ITGA8: variants seen among roughly 807,000 people sequenced by gnomAD.
ITGA8 encodes integrin alpha-8.
In ITGA8, 91 loss-of-function variants were observed where a neutral mutation model predicts 142.3. The observed-to-expected ratio is 0.64, with a 90% confidence interval of 0.54 to 0.76. The LOEUF (loss-of-function observed/expected upper bound fraction) is 0.76. Ranked by LOEUF, ITGA8 falls within the 30% of genes least tolerant of loss-of-function variation. The pLI is 0.00. For missense variants in ITGA8, 1,406 were observed against 1,327.7 expected (o/e 1.06, Z -0.92); for synonymous variants, 505 against 485.2 (o/e 1.04, Z -0.54).
intron 25 of ITGA8, among the ~76,000 whole-genome samples, chr10:15,567,154 CA>C (rs111545300): frequency 8.0e-4 from 111 of 138,094 alleles, no homozygotes; most frequent in Admixed American, 1.2e-3. Flanking sequence ...GACCCCATCT[CA>C]AAAAAAAAAA....
At chr10:15,675,630 T>C (rs1361188603) in intron 6 of ITGA8, among the ~76,000 whole-genome samples, 1 of 152,252 alleles carries the variant, frequency 6.6e-6, no homozygotes, top group African/African-American at 2.4e-5. Flanking sequence ...ATCTATTTTC[T>C]GTAACGCAGC....
intron 28 of ITGA8, among the ~76,000 whole-genome samples, chr10:15,530,640 A>C (rs1833270222): frequency 6.6e-6 from 1 of 152,042 alleles, no homozygotes; most frequent in South Asian, 2.1e-4. Context: ...TTTGCATAGC[A>C]AGAAAAAATG....
At chr10:15,701,508 A>G (rs1013467833) in intron 2 of ITGA8, among the ~76,000 whole-genome samples, 7 of 151,970 alleles carry the variant, frequency 4.6e-5, no homozygotes, top group Non-Finnish European at 8.8e-5. Flanking sequence ...CTTCATGGGA[A>G]TATGCATTTC....
At chr10:15,532,137 A>G (rs1017156746) in intron 27 of ITGA8, among the ~76,000 whole-genome samples, 3 of 151,850 alleles carry the variant, frequency 2.0e-5, no homozygotes, top group Admixed American at 2.0e-4. Flanking sequence ...AGTTGTGACA[A>G]TCAAAGATGC....
intron 3 of ITGA8, among the ~76,000 whole-genome samples, chr10:15,685,624 T>C (rs1762616572): frequency 6.6e-6 from 1 of 152,240 alleles, no homozygotes; most frequent in East Asian, 1.9e-4. Flanking sequence ...ACTGATTTGA[T>C]GCCTCATCCA....
chr10:15,717,179 GT>G (rs1425676442), intron 2 of ITGA8, among the ~76,000 whole-genome samples: 2 of 152,128 alleles, frequency 1.3e-5, no homozygotes, highest in Non-Finnish European at 2.9e-5. Context: ...CTGATTTGAT[GT>G]TATGAGACTA....
At chr10:15,633,510 T>C (rs1451051890) in intron 13 of ITGA8, among the ~76,000 whole-genome samples, 2 of 152,188 alleles carry the variant, frequency 1.3e-5, no homozygotes, top group Non-Finnish European at 2.9e-5. Context: ...CTCAGCTCAC[T>C]GCAACCTCCG....
chr10:15,561,245 A>ATATATATATATATATATATATATATG (rs1554772750), intron 25 of ITGA8, among the ~76,000 whole-genome samples: 2 of 133,844 alleles, frequency 1.5e-5, no homozygotes, highest in African/African-American at 5.8e-5. Context: ...GTATATATAT[A>ATATATATATATATATATATATATATG]TATATATATG....
chr10:15,700,663 A>G (rs987925373), intron 2 of ITGA8, among the ~76,000 whole-genome samples: 5 of 152,200 alleles, frequency 3.3e-5, no homozygotes, highest in Non-Finnish European at 7.3e-5. Context: ...TTCACAATCT[A>G]TATATCCAAC....
rs1554785312 is a variant in ITGA8, at chr10:15,671,620, G to A, written c.830C>T (p.Thr277Ile). 6.2e-7 allele frequency: 1 copy of A among 1,612,806 alleles called. No individual in the cohort carries two copies. Among genetic ancestry groups the A allele is most frequent in the Non-Finnish European group, 8.5e-7 (1 of 1,179,026 alleles). Residue 277 changes from threonine (T) to isoleucine (I), a missense_variant, in exon 8 of 30, where the codon ACT becomes ATT. By Grantham distance (89) the Thr-to-Ile change is moderately conservative (BLOSUM62 -1). Transcript: ENST00000378076. ...LGYSVAAGEF[T>I]GDSQQELVAG... is the part of the protein sequence containing the mutation. ...CCTCTCACCTTGCTGAGAATCCCCAGTAAACTCCCCAGCAGCAACTGAGTA... is the reference window on the plus strand; with the variant it reads ...CCTCTCACCTTGCTGAGAATCCCCAATAAACTCCCCAGCAGCAACTGAGTA...
intron 25 of ITGA8, among the ~76,000 whole-genome samples, chr10:15,571,796 A>G (rs951012960): frequency 6.6e-6 from 1 of 152,198 alleles, no homozygotes; most frequent in African/African-American, 2.4e-5. Flanking sequence ...ACCACTTGCT[A>G]TGGGCTGCAG....
intron 22 of ITGA8, among the ~76,000 whole-genome samples, chr10:15,587,722 G>C (rs553108427): frequency 6.6e-6 from 1 of 152,328 alleles, no homozygotes; most frequent in African/African-American, 2.4e-5. Context: ...AGAGTGTCTA[G>C]ATAGAAGGTG....
At chr10:15,651,623 A>G (rs1336139222) in intron 11 of ITGA8, among the ~76,000 whole-genome samples, 1 of 152,008 alleles carries the variant, frequency 6.6e-6, no homozygotes, top group Non-Finnish European at 1.5e-5. Flanking sequence ...TTTTCCAACA[A>G]TGTCTACTAG....
intron 2 of ITGA8, among the ~76,000 whole-genome samples, chr10:15,716,942 A>G (rs937366462): frequency 2.6e-5 from 4 of 152,204 alleles, no homozygotes; most frequent in African/African-American, 7.2e-5. Flanking sequence ...AATTACAGGC[A>G]TAAGCCACCA....
intron 12 of ITGA8, among the ~76,000 whole-genome samples, 198 bp from the exon 13 acceptor site, chr10:15,644,419 C>A (rs1379923909): frequency 2.5e-5 from 3 of 118,942 alleles, no homozygotes; most frequent in Non-Finnish European, 3.3e-5. Context: ...AGGTGCATAC[C>A]ACCATGTCAG....
At chr10:15,692,823 T>G (rs1834959781) in intron 2 of ITGA8, among the ~76,000 whole-genome samples, 1 of 152,214 alleles carries the variant, frequency 6.6e-6, no homozygotes, top group African/African-American at 2.4e-5. Flanking sequence ...ATCCCAGCAC[T>G]TTGGGAGACC....
chr10:15,672,677 G>C lies in ITGA8; in HGVS notation c.749C>G (p.Ala250Gly), dbSNP rs200987849. Reference sequence around the variant, plus strand: ...AGCCACTTCCGTCTGCTTTTCTCCTGCCAGTTTCCTGAGGATATCCTTGAA... The same window carrying C: ...AGCCACTTCCGTCTGCTTTTCTCCTCCCAGTTTCCTGAGGATATCCTTGAA... ...YSFKDILRKL[A>G]GEKQTEVAPA... is the part of the protein sequence containing the mutation. The change falls in exon 7 of 30, where the codon GCA (alanine) becomes GGA (glycine). Residue 250 changes from alanine (A) to glycine (G), a missense_variant. Ala to Gly is a moderately conservative substitution (Grantham distance 60). Coordinates refer to ENST00000378076, the MANE Select transcript of ITGA8 (RefSeq NM_003638.3). 8.1e-6 allele frequency: 13 copies of C among 1,613,758 alleles called. No individual in the cohort carries two copies. The Admixed American group carries it at 1.0e-4, about 12-fold the overall frequency.
In ITGA8 at chr10:15,572,302, C is replaced by T. The variant is rs566439105; in HGVS notation, c.2546G>A (p.Arg849Gln). The change falls in exon 25 of 30, where the codon CGG (arginine) becomes CAG (glutamine). Residue 849 changes from arginine (R) to glutamine (Q), a missense_variant. By Grantham distance (43) the Arg-to-Gln change is conservative. Coordinates refer to ENST00000378076, the MANE Select transcript of ITGA8 (RefSeq NM_003638.3). ...ILEVGWPFSA[R>Q]DEFLLYIFHI... is the part of the protein sequence containing the mutation. Reference sequence around the variant, plus strand: ...GAAAATATAGAGAAGAAATTCATCCCGGGCAGAGAAAGGCCAGCCCACCTC... The same window carrying T: ...GAAAATATAGAGAAGAAATTCATCCTGGGCAGAGAAAGGCCAGCCCACCTC... 41 of 1,613,828 alleles carry T rather than the reference C, an allele frequency of 2.5e-5. No individual in the cohort carries two copies. The Admixed American group carries it at 4.5e-4, about 18-fold the overall frequency.
intron 1 of ITGA8, 81 bp from the exon 2 acceptor site, chr10:15,718,980 C>T: frequency 5.0e-6 from 8 of 1,595,752 alleles, no homozygotes; most frequent in East Asian, 2.2e-5. Flanking sequence ...ACCTCCTGCC[C>T]GGGGACACTG....
Sources: gnomAD v4.1 joint callset for allele counts (sites outside exome capture counted in the v4.1 genomes callset) on GRCh38, gnomAD v4.1.1 for gene constraint, MANE v1.5 for transcripts, NCBI Gene and HGNC (gene_info 2026-07-23, HGNC 2026-07-21) for gene names.